The following ZNF418 variants were observed in gnomAD, a reference collection of about 807,000 sequenced individuals.
The protein encoded by ZNF418 is zinc finger protein 418.
ZNF418 carries 32 observed loss-of-function variants against 32.0 expected under a neutral mutation model. The observed-to-expected ratio is 1.00, with a 90% CI of 0.75 to 1.34. The LOEUF (loss-of-function observed/expected upper bound fraction) is 1.34, where lower values mean the gene tolerates loss of function less well. Ranked by LOEUF, ZNF418 falls within the 40% of genes most tolerant of loss-of-function variation. The probability of loss-of-function intolerance (pLI) is 0.00; values close to 1 mark genes in which losing one functional copy is unlikely to be tolerated. For missense variants in ZNF418, 804 were observed against 812.5 expected, an observed-to-expected ratio of 0.99 and a Z score of 0.13; for synonymous variants, 276 against 270.7, an observed-to-expected ratio of 1.02 and a Z score of -0.19.
intron 4 of ZNF418, among the ~76,000 whole-genome samples, chr19:57,923,499 T>C (rs1211839844): frequency 6.7e-6 from 1 of 150,070 alleles, no homozygotes; most frequent in Admixed American, 6.7e-5. Flanking sequence ...TGTATATACA[T>C]ATATACACAC....
chr19:57,929,897 G>C (rs2072412327), intron 3 of ZNF418, among the ~76,000 whole-genome samples: 1 of 152,140 alleles, frequency 6.6e-6, no homozygotes, highest in Non-Finnish European at 1.5e-5. Context: ...TGTTAGCCAG[G>C]ATGGTCTCCA....
At chr19:57,930,764 G>A (rs1479509896) in intron 2 of ZNF418, among the ~76,000 whole-genome samples, 1 of 152,034 alleles carries the variant, frequency 6.6e-6, no homozygotes, top group Admixed American at 6.6e-5. Flanking sequence ...GAAAAATAGG[G>A]ATCTATGCTG....
At chr19:57,928,994 A>G (rs1314928108) in intron 3 of ZNF418, among the ~76,000 whole-genome samples, 1 of 72,764 alleles carries the variant, frequency 1.4e-5, no homozygotes, top group Non-Finnish European at 2.5e-5. Flanking sequence ...ACTCCATCTC[A>G]AAAACAAAAA....
chr19:57,928,159 A>T, intron 3 of ZNF418, 112 bp from the exon 4 acceptor site: 2 of 958,464 alleles, frequency 2.1e-6, no homozygotes, highest in Non-Finnish European at 3.1e-6. Flanking sequence ...TATTTGCAGG[A>T]ACAGAAAGTT....
rs773421915 is a variant in ZNF418, at chr19:57,927,414, C to A, written c.767G>T (p.Arg256Ile). Reference protein sequence around the residue: ...SNHQRVHTGKRPYECGECGKS... With the variant: ...SNHQRVHTGKIPYECGECGKS... ...CCCACATTCTCCACATTCATAAGGT[C>A]TTTTCCCAGTGTGAACTCTCTGATG... The change falls in exon 4 of 6, where the codon AGA (arginine) becomes ATA (isoleucine). Residue 256 changes from arginine (R) to isoleucine (I), a missense_variant. Around this residue, in one of 3 missense-constraint regions of ZNF418, gnomAD observed 307 missense variants for 304.9 expected, o/e 1.01. Coordinates refer to ENST00000396147, the MANE Select transcript of ZNF418 (RefSeq NM_133460.3). The A allele has an allele frequency of 3.1e-6, 5 of 1,614,034 alleles. No individual in the cohort carries two copies. In the African/African-American group the frequency reaches 5.3e-5, roughly 17 times the overall value.
rs1353153691 is a variant in ZNF418 at position 57,927,558 on chromosome 19, C to T, written c.623G>A (p.Cys208Tyr). The T allele has an allele frequency of 8.1e-6, 13 of 1,614,130 alleles. No individual in the cohort carries two copies. In the Admixed American group the frequency reaches 2.2e-4, roughly 27 times the overall value. Residue 208 changes from cysteine (C) to tyrosine (Y), a missense_variant, in exon 4 of 6, where the codon TGC becomes TAC. Cys to Tyr is a radical substitution (Grantham distance 194, BLOSUM62 -2). Transcript: ENST00000396147. ...GTGTTTGGTGCTAGAATGTTTCATG[C>T]ATTCTCCACAGCTGTAATGAGTATC... ...WGDTHYSCGECMKHSSTKHVF... is the reference protein window; with the variant it reads ...WGDTHYSCGEYMKHSSTKHVF...
intron 4 of ZNF418, among the ~76,000 whole-genome samples, chr19:57,923,721 C>T (rs953961222): frequency 2.0e-5 from 3 of 151,648 alleles, no homozygotes; most frequent in Non-Finnish European, 2.9e-5. Flanking sequence ...ACTACAGGCG[C>T]CTGCCACCAC....
rs2072647875 is a variant in ZNF418 at position 57,935,175 on chromosome 19, T to C, written c.-95A>G. 1 of 1,308,368 alleles carries C rather than the reference T, an allele frequency of 7.6e-7. No individual in the cohort carries two copies. Among genetic ancestry groups the C allele is most frequent in the Non-Finnish European group, 9.9e-7 (1 of 1,009,360 alleles). 81.0% of individuals were successfully genotyped at this position (1,308,368 alleles called of 1,614,324 possible). A position where few individuals can be genotyped will look rare whatever the true frequency, so the allele number is the denominator to read the frequency against. On this transcript the variant is annotated 5_prime_UTR_variant, in exon 1 of 6. Transcript: ENST00000396147. ...GGCACAATTACCTGAGCCGGGAGCC[T>C]CAGCGCGGCCGCCGCCATCCCGAGT...
chr19:57,929,816 G>A (rs1363323284), intron 3 of ZNF418, among the ~76,000 whole-genome samples: 2 of 151,958 alleles, frequency 1.3e-5, no homozygotes, highest in Non-Finnish European at 2.9e-5. Context: ...CCTAGTAGCT[G>A]GGACTACAGG....
rs2072227651 is a variant in ZNF418, at chr19:57,926,447, G to A, written c.1734C>T (p.Leu578=). ...CAGTGTGAACTCTCCTGTGTTCAAG[G>A]AGACTGGAGAAGAATTTCCCACATT... ...CRECGKFFSS[L]LEHRRVHTGE... is the part of the protein sequence containing the mutation. The change falls in exon 4 of 6, where the codon CTC becomes CTT. Residue 578 remains leucine, a synonymous_variant. Transcript: ENST00000396147. 1 of 1,613,784 alleles carries A rather than the reference G, an allele frequency of 6.2e-7. No homozygotes were observed. The highest frequency in any genetic ancestry group is 1.3e-5 in the African/African-American group (1 of 74,830).
intron 4 of ZNF418, among the ~76,000 whole-genome samples, chr19:57,923,858 G>C (rs2072107326): frequency 6.6e-6 from 1 of 152,088 alleles, no homozygotes. Flanking sequence ...TTACAGGCGT[G>C]AGCCACCGTG....
At chr19:57,932,040 G>A (rs1041824620) in intron 2 of ZNF418, among the ~76,000 whole-genome samples, 3 of 152,186 alleles carry the variant, frequency 2.0e-5, no homozygotes, top group African/African-American at 7.2e-5. Flanking sequence ...GGCCACATGG[G>A]GGTTGCACTG....
chr19:57,928,311 C>T (rs957535619), intron 3 of ZNF418, among the ~76,000 whole-genome samples: 1 of 151,974 alleles, frequency 6.6e-6, no homozygotes, highest in Non-Finnish European at 1.5e-5. Context: ...TCTTGAGAGA[C>T]AGGATCTCAC....
rs1356015441 is a variant in ZNF418 at position 57,927,568 on chromosome 19, AG to A, written c.612del (p.Cys205ValfsTer5). 1 of 1,614,126 alleles carries A rather than the reference AG, an allele frequency of 6.2e-7. No homozygotes were observed. The highest frequency in any genetic ancestry group is 8.5e-7 in the Non-Finnish European group (1 of 1,180,058). Reference sequence around the variant, plus strand: ...CTAGAATGTTTCATGCATTCTCCACAGCTGTAATGAGTATCTCCCCACTGAA... The same window carrying A: ...CTAGAATGTTTCATGCATTCTCCACACTGTAATGAGTATCTCCCCACTGAA... ...SPFQWGDTHY[S>X]CGECMKHSST... On this transcript the variant is annotated frameshift_variant, in exon 4 of 6. Transcript: ENST00000396147. LOFTEE classifies it high-confidence loss of function.
In ZNF418 at chr19:57,926,998, C is replaced by A. The variant is rs1209962635; in HGVS notation, c.1183G>T (p.Glu395Ter). Residue 395 changes from glutamate to a stop codon, truncating the protein, a stop_gained, in exon 4 of 6, where the codon GAA (glutamate) becomes TAA (stop). Coordinates refer to ENST00000396147, the MANE Select transcript of ZNF418 (RefSeq NM_133460.3). LOFTEE classifies it low-confidence loss of function (END_TRUNC). The stretch of plus-strand genomic sequence containing the variant: ...CATTCTCCACACTCATAAGGTCGTT[C>A]TCTAGTGTGAACTCGATGATGTTCA... ...LTEHHRVHTR[E>*]RPYECGECGK... is the part of the protein sequence containing the mutation. 4.3e-6 allele frequency: 7 copies of A among 1,613,494 alleles called. No homozygotes were observed. The highest frequency in any genetic ancestry group is 5.1e-6 in the Non-Finnish European group (6 of 1,179,908).
rs192674158 is a variant in ZNF418 at position 57,927,879 on chromosome 19, T to C, written c.302A>G (p.Gln101Arg). Residue 101 changes from glutamine (Q) to arginine (R), a missense_variant, in exon 4 of 6, where the codon CAG becomes CGG. Gln to Arg is a conservative substitution (Grantham distance 43). This residue lies in a region of ZNF418 where 307 missense variants were observed against 304.9 expected (regional missense o/e 1.01). Coordinates refer to ENST00000396147, the MANE Select transcript of ZNF418 (RefSeq NM_133460.3). Reference protein sequence around the residue: ...LGDILHLADHQGTHHKQKLHR... With the variant: ...LGDILHLADHRGTHHKQKLHR... ...CAGTTTCTGCTTGTGATGTGTCCCC[T>C]GATGATCTGCCAAGTGCAAAATGTC... The C allele has an allele frequency of 2.4e-5, 38 of 1,614,060 alleles. No individual in the cohort carries two copies. The East Asian group carries it at 8.0e-4, about 34-fold the overall frequency.
In ZNF418 at chr19:57,927,381, A is replaced by C. The variant is rs1407327767; in HGVS notation, c.800T>G (p.Phe267Cys). The C allele has an allele frequency of 6.2e-7, 1 of 1,614,154 alleles. No individual in the cohort carries two copies. The change falls in exon 4 of 6, where the codon TTT becomes TGT. Residue 267 changes from phenylalanine (F) to cysteine (C), a missense_variant. By Grantham distance (205) the Phe-to-Cys change is radical (BLOSUM62 -2). This residue lies in a region of ZNF418 where 22 missense variants were observed against 49.0 expected (regional missense o/e 0.45). Coordinates refer to ENST00000396147, the MANE Select transcript of ZNF418 (RefSeq NM_133460.3). ...PYECGECGKSFSHKGSLVQHQ... is the reference protein window; with the variant it reads ...PYECGECGKSCSHKGSLVQHQ... The stretch of plus-strand genomic sequence containing the variant: ...CTGAACAAGGCTGCCCTTATGACTA[A>C]AAGATTTCCCACATTCTCCACATTC...
rs767249709 is a variant in ZNF418, at chr19:57,927,505, AG to A, written c.675del (p.Ser226LeufsTer160). On this transcript the variant is annotated frameshift_variant, in exon 4 of 6. Coordinates refer to ENST00000396147, the MANE Select transcript of ZNF418 (RefSeq NM_133460.3). LOFTEE classifies it high-confidence loss of function. ...KHVFVQQQRL[P>X]SREECYCWEC... ...TCCCAGCAATAACATTCCTCTCTAG[AG>A]GGAAGTCTCTGCTGTTGAACAAATA... 6.2e-7 allele frequency: 1 copy of A among 1,614,226 alleles called. No homozygotes were observed. The highest frequency in any genetic ancestry group is 1.1e-5 in the South Asian group (1 of 91,088).
Position 57,932,593 on chromosome 19 carries a change from T to G in ZNF418, c.6+1224A>C, listed in dbSNP as rs1019254337. 3.9e-6 allele frequency: 6 copies of G among 1,520,578 alleles called. 1 individual carries two copies. The highest frequency in any genetic ancestry group is 5.3e-6 in the Non-Finnish European group (6 of 1,138,538). 94.2% of individuals were successfully genotyped at this position (1,520,578 alleles called of 1,614,324 possible). ...GGTGACCCCTCTACAATGACGACTTTCCTCTGTCCACCTAGAGTCATTTAA... is the reference window on the plus strand; with the variant it reads ...GGTGACCCCTCTACAATGACGACTTGCCTCTGTCCACCTAGAGTCATTTAA... On this transcript the variant is annotated intron_variant, in intron 2 of 5. Coordinates refer to ENST00000396147, the MANE Select transcript of ZNF418 (RefSeq NM_133460.3).
Sources: allele counts gnomAD v4.1 joint callset (sites outside exome capture counted in the v4.1 genomes callset), GRCh38; gene constraint gnomAD v4.1.1; regional missense constraint gnomAD v4.1.1; transcripts MANE v1.5; gene names NCBI Gene and HGNC (gene_info 2026-07-23, HGNC 2026-07-21).